The following SNX29 variants were observed in gnomAD, a reference collection of about 807,000 sequenced individuals.
SNX29 encodes the protein sorting nexin 29, also known as sorting nexin-29.
Under a neutral mutation model 102.1 loss-of-function variants are expected in SNX29, and 78 were observed. The ratio of observed to expected loss-of-function variants is 0.76; its 90% CI spans 0.64 to 0.92. SNX29 has a LOEUF of 0.92. Ranked by LOEUF, SNX29 falls within the 40% of genes least tolerant of loss-of-function variation. The pLI, the probability that SNX29 is intolerant of heterozygous loss-of-function variation, is 0.00. For synonymous variants in SNX29, 580 were observed against 414.5 expected (o/e 1.40, Z -4.85); for missense variants, 1,280 against 1,061.7 (o/e 1.21, Z -2.86).
At chr16:12,104,226 A>G (rs893639566) in intron 11 of SNX29, among the ~76,000 whole-genome samples, 1 of 152,148 alleles carries the variant, frequency 6.6e-6, no homozygotes, top group Non-Finnish European at 1.5e-5. Context: ...AGGCACAGAG[A>G]TCACCCAGGC....
chr16:12,252,700 G>A (rs1258666737), intron 14 of SNX29, among the ~76,000 whole-genome samples: 7 of 152,186 alleles, frequency 4.6e-5, no homozygotes, highest in African/African-American at 1.2e-4. Flanking sequence ...GCCCCGTTGC[G>A]GTGCCGAGGT....
chr16:12,453,509 G>C (rs1363660869), intron 18 of SNX29, among the ~76,000 whole-genome samples: 2 of 151,956 alleles, frequency 1.3e-5, no homozygotes, highest in African/African-American at 4.8e-5. Context: ...AACAAACAAA[G>C]TGGCTGTCAT....
At chr16:12,548,309 CTACTCTCCTGGCTTGGTGCCT>C (rs1456014705) in intron 20 of SNX29, among the ~76,000 whole-genome samples, 3 of 152,176 alleles carry the variant, frequency 2.0e-5, no homozygotes, top group African/African-American at 4.8e-5. Context: ...CCCTGGAGCC[CTACTCTCCTGGCTTGGTGCCT>C]CCATGGGGAA....
At chr16:12,263,065 C>A (rs2078826251) in intron 14 of SNX29, among the ~76,000 whole-genome samples, 1 of 152,106 alleles carries the variant, frequency 6.6e-6, no homozygotes, top group Non-Finnish European at 1.5e-5. Flanking sequence ...ACTTAGCCAG[C>A]CTCCAGTGAA....
chr16:12,033,232 C>A (rs939630420), intron 4 of SNX29, among the ~76,000 whole-genome samples: 13 of 151,896 alleles, frequency 8.6e-5, no homozygotes, highest in South Asian at 8.3e-4. Flanking sequence ...GTGATTACCA[C>A]CCCCTTTTTT....
Position 12,572,200 on chromosome 16 carries a change from T to TATA in SNX29, c.*3571_*3572insATA. The TATA allele has an allele frequency of 1.0e-6, 1 of 973,302 alleles. No homozygotes were observed. The highest frequency in any genetic ancestry group is 1.3e-6 in the Non-Finnish European group (1 of 796,388). 60.3% of individuals were successfully genotyped at this position (973,302 alleles called of 1,614,324 possible). Reference sequence around the variant, plus strand: ...TTCTTAGAACCATGGCAGGTAGTATTGTGCTTTAAAAACCAGAGGCTCCTG... The same window carrying TATA: ...TTCTTAGAACCATGGCAGGTAGTATTATAGTGCTTTAAAAACCAGAGGCTCCTG... On this transcript the variant is annotated 3_prime_UTR_variant, in exon 21 of 21. Transcript: ENST00000566228.
intron 18 of SNX29, among the ~76,000 whole-genome samples, chr16:12,438,374 G>T (rs751201160): frequency 6.6e-6 from 1 of 152,030 alleles, no homozygotes; most frequent in African/African-American, 2.4e-5. Flanking sequence ...CTTTCTGCTG[G>T]TGTCCTTCTC....
intron 13 of SNX29, among the ~76,000 whole-genome samples, chr16:12,133,539 C>T (rs1375034119): frequency 6.6e-6 from 1 of 152,036 alleles, no homozygotes; most frequent in East Asian, 1.9e-4. Context: ...GATCTACCCA[C>T]CTAGGCCTCC....
At chr16:12,552,375 A>G (rs563564048) in intron 20 of SNX29, among the ~76,000 whole-genome samples, 1 of 152,236 alleles carries the variant, frequency 6.6e-6, no homozygotes, top group Non-Finnish European at 1.5e-5. Flanking sequence ...CGTGTAAGAC[A>G]GCAAGCATGG....
rs527365455 is a variant in SNX29, at chr16:12,548,711, G to A, written c.2319-19795G>A. 2.6e-5 allele frequency among the ~76,000 whole-genome samples: 4 copies of A among 152,308 alleles called. No homozygotes were observed. The East Asian group carries it at 7.7e-4, about 29-fold the overall frequency. On this transcript the variant is annotated intron_variant, in intron 20 of 20. Coordinates refer to ENST00000566228, the MANE Select transcript of SNX29 (RefSeq NM_032167.5). ...GAGCACTGCAGGGCATTGTACTGGT[G>A]TAGGAGGGGTACATCCAGGGCTCCA... is the stretch of plus-strand genomic sequence containing the variant.
intron 20 of SNX29, among the ~76,000 whole-genome samples, chr16:12,552,199 C>G (rs542787045): frequency 6.6e-6 from 1 of 152,256 alleles, no homozygotes; most frequent in East Asian, 1.9e-4. Flanking sequence ...GCAGATAAGG[C>G]AGGGGAGGGC....
intron 15 of SNX29, among the ~76,000 whole-genome samples, chr16:12,331,842 A>T (rs2081300333): frequency 6.6e-6 from 1 of 152,146 alleles, no homozygotes; most frequent in Non-Finnish European, 1.5e-5. Flanking sequence ...GTGAGCCACC[A>T]TGCCTGGCCA....
chr16:12,268,288 C>G (rs1332728275), intron 14 of SNX29, among the ~76,000 whole-genome samples: 2 of 152,176 alleles, frequency 1.3e-5, no homozygotes, highest in Non-Finnish European at 2.9e-5. Flanking sequence ...TGATACATCC[C>G]TGTATCTCTA....
At chr16:12,531,775 A>G (rs939358285) in intron 20 of SNX29, among the ~76,000 whole-genome samples, 1 of 152,202 alleles carries the variant, frequency 6.6e-6, no homozygotes, top group Non-Finnish European at 1.5e-5. Flanking sequence ...GTCTACGTGC[A>G]TCCTGAAGGC....
chr16:12,216,924 A>G (rs964508710), intron 14 of SNX29, among the ~76,000 whole-genome samples: 6 of 152,230 alleles, frequency 3.9e-5, no homozygotes, highest in Non-Finnish European at 8.8e-5. Flanking sequence ...ATGCTGGGAA[A>G]CATAGTCTCT....
chr16:12,430,639 T>C (rs2085272080), intron 18 of SNX29, among the ~76,000 whole-genome samples: 1 of 152,212 alleles, frequency 6.6e-6, no homozygotes, highest in South Asian at 2.1e-4. Context: ...GTAAAGCACT[T>C]ATATAGTCCC....
At chr16:12,162,737 G>A (rs544996113) in intron 13 of SNX29, among the ~76,000 whole-genome samples, 8 of 152,296 alleles carry the variant, frequency 5.3e-5, no homozygotes, top group Middle Eastern at 3.4e-3. Flanking sequence ...TGCTTTGAAC[G>A]GGGCCTGGCT....
intron 14 of SNX29, among the ~76,000 whole-genome samples, chr16:12,248,129 G>T (rs923831625): frequency 6.6e-6 from 1 of 152,194 alleles, no homozygotes; most frequent in Non-Finnish European, 1.5e-5. Flanking sequence ...TTTGAAAATA[G>T]AAGTTGGCTC....
chr16:12,259,373 C>T (rs139215384), intron 14 of SNX29, among the ~76,000 whole-genome samples: 1 of 152,264 alleles, frequency 6.6e-6, no homozygotes, highest in African/African-American at 2.4e-5. Context: ...CTTGGTGTAG[C>T]CACTGGCTAA....
Sources: allele counts gnomAD v4.1 joint callset (sites outside exome capture counted in the v4.1 genomes callset), GRCh38; gene constraint gnomAD v4.1.1; transcripts MANE v1.5; gene names NCBI Gene and HGNC (gene_info 2026-07-23, HGNC 2026-07-21).